The following MYBPC1 variants were observed in gnomAD, a reference collection of about 807,000 sequenced individuals.
The protein encoded by MYBPC1 is myosin binding protein C1.
In MYBPC1, 52 loss-of-function variants were observed where a neutral mutation model predicts 147.1. The observed-to-expected ratio is 0.35, with a 90% CI of 0.28 to 0.45. The LOEUF (loss-of-function observed/expected upper bound fraction) is 0.45, where lower values mean the gene tolerates loss of function less well. Ranked by LOEUF, MYBPC1 falls within the 20% of genes least tolerant of loss-of-function variation. The pLI is 1.00. For synonymous variants in MYBPC1, 477 were observed against 475.9 expected (o/e 1.00, Z -0.03); for missense variants, 1,228 against 1,440.3 (o/e 0.85, Z 2.39).
At chr12:101,599,860 T>A (rs1879132058) in intron 1 of MYBPC1, among the ~76,000 whole-genome samples, 1 of 152,208 alleles carries the variant, frequency 6.6e-6, no homozygotes, top group African/African-American at 2.4e-5. Context: ...TGGAGATTCA[T>A]GGCATATATT....
chr12:101,683,291 G>A (rs1452206140), intron 30 of MYBPC1, among the ~76,000 whole-genome samples: 1 of 152,126 alleles, frequency 6.6e-6, no homozygotes. Context: ...TTAGCCAGGT[G>A]TGGTGGCACA....
intron 16 of MYBPC1, 77 bp from the exon 17 acceptor site, chr12:101,652,601 C>A: frequency 1.0e-6 from 1 of 988,568 alleles, no homozygotes; most frequent in South Asian, 1.3e-5. Context: ...AGATAAAGGT[C>A]AAGTGTCTTT....
chr12:101,662,330 C>G, intron 20 of MYBPC1, 28 bp from the exon 21 acceptor site: 1 of 1,611,838 alleles, frequency 6.2e-7, no homozygotes, highest in Admixed American at 1.7e-5. Context: ...CAAGGAAAAA[C>G]CTTAGTTTTC....
At position 101,658,870 on chromosome 12, in the gene MYBPC1, G is replaced by A. The variant is rs573410843; in HGVS notation, c.1768-802G>A. 7.2e-5 allele frequency among the ~76,000 whole-genome samples: 11 copies of A among 152,240 alleles called. No individual in the cohort carries two copies. In the South Asian group the frequency reaches 2.3e-3, roughly 32 times the overall value. On this transcript the variant is annotated intron_variant, in intron 18 of 31. Coordinates refer to ENST00000361466, the MANE Select transcript of MYBPC1 (RefSeq NM_002465.4). ...TGATACAGACACAAAAGAGTAGAGAGTTTACCTAGTATTTAGTGGCAAATA... is the reference window on the plus strand; with the variant it reads ...TGATACAGACACAAAAGAGTAGAGAATTTACCTAGTATTTAGTGGCAAATA...
chr12:101,651,315 A>G lies in MYBPC1; in HGVS notation c.1448A>G (p.Glu483Gly), dbSNP rs765001341. The part of the protein sequence containing the change: ...KEICLKCEIS[E>G]NIPGKWTKNG... ...ATCTGCCTGAAGTGTGAAATCTCTG[A>G]AAACATACCAGGAAAATGGACTAAA... The change falls in exon 16 of 32, where the codon GAA becomes GGA. Residue 483 changes from glutamate to glycine, a missense_variant. Glu to Gly is a moderately conservative substitution (Grantham distance 98). Coordinates refer to ENST00000361466, the MANE Select transcript of MYBPC1 (RefSeq NM_002465.4). 6.2e-7 allele frequency: 1 copy of G among 1,614,152 alleles called. No homozygotes were observed. Among genetic ancestry groups the G allele is most frequent in the South Asian group, 1.1e-5 (1 of 91,088 alleles).
chr12:101,674,858 T>C (rs1899527289), intron 25 of MYBPC1, among the ~76,000 whole-genome samples: 2 of 72,524 alleles, frequency 2.8e-5, no homozygotes. Flanking sequence ...CATGACTCTG[T>C]CTCCAAAAAA....
chr12:101,645,532 G>A (rs1892915045), intron 12 of MYBPC1, among the ~76,000 whole-genome samples: 2 of 152,150 alleles, frequency 1.3e-5, no homozygotes, highest in South Asian at 4.1e-4. Context: ...TGTTACTTGT[G>A]GAGTACAATT....
intron 1 of MYBPC1, among the ~76,000 whole-genome samples, 187 bp downstream of exon 1, chr12:101,595,282 A>C (rs923061851): frequency 6.6e-6 from 1 of 152,216 alleles, no homozygotes; most frequent in African/African-American, 2.4e-5. Context: ...GAATTGAAAA[A>C]TTTCTGATAA....
At position 101,632,011 on chromosome 12, in the gene MYBPC1, T is replaced by G. The variant is rs375058014; in HGVS notation, c.439-10T>G. On this transcript the variant is annotated splice_polypyrimidine_tract_variant and intron_variant, in intron 7 of 31. Coordinates refer to ENST00000361466, the MANE Select transcript of MYBPC1 (RefSeq NM_002465.4). ...CTGAAATGTGTGTGTCTGGATGCAT[T>G]TCATTGCAGGTGTACACATTTGAGA... The G allele has an allele frequency of 1.3e-6, 2 of 1,588,484 alleles. No individual in the cohort carries two copies. The highest frequency in any genetic ancestry group is 2.7e-5 in the African/African-American group (2 of 74,332).
chr12:101,666,641 C>T (rs1897471560), intron 22 of MYBPC1: 2 of 1,140,466 alleles, frequency 1.8e-6, no homozygotes, highest in African/African-American at 3.1e-5. Context: ...TCTCTTTGCA[C>T]ACTTTGCATA....
In MYBPC1 at chr12:101,626,106, A is replaced by T. The variant is rs904673882; in HGVS notation, c.104-766A>T. Among the ~76,000 whole-genome samples the T allele has an allele frequency of 2.6e-5, 4 of 151,202 alleles. No individual in the cohort carries two copies. In the East Asian group the frequency reaches 5.8e-4, roughly 22 times the overall value. ...TCTGTCTCAAAAAAAAAAAAAAAAAAAAAAAATTTATCCTTCTACTGAAGT... is the reference window on the plus strand; with the variant it reads ...TCTGTCTCAAAAAAAAAAAAAAAAATAAAAAATTTATCCTTCTACTGAAGT... On this transcript the variant is annotated intron_variant, in intron 3 of 31. Transcript: ENST00000361466.
At chr12:101,622,321 C>T (rs1030860264) in intron 3 of MYBPC1, among the ~76,000 whole-genome samples, 1 of 152,148 alleles carries the variant, frequency 6.6e-6, no homozygotes, top group African/African-American at 2.4e-5. Context: ...ACATTTCAGT[C>T]TCATCGAACT....
downstream of MYBPC1, among the ~76,000 whole-genome samples, chr12:101,688,886 G>A (rs2695299): frequency 0.52 from 77,924 of 149,182 alleles, 20,975 homozygotes; most frequent in Admixed American, 0.61. Context: ...CCAGGAGGTG[G>A]AGATTGCAAT....
In MYBPC1 at chr12:101,618,050, A is replaced by T. The variant is rs944393331; in HGVS notation, c.103+807A>T. Among the ~76,000 whole-genome samples the T allele has an allele frequency of 5.8e-4, 88 of 152,330 alleles. 1 individual carries two copies. Among genetic ancestry groups the T allele is most frequent in the Middle Eastern group, 6.8e-3 (2 of 294 alleles). On this transcript the variant is annotated intron_variant, in intron 3 of 31. Coordinates refer to ENST00000361466, the MANE Select transcript of MYBPC1 (RefSeq NM_002465.4). ...CTTTTATTTGCATAATGAATAAAAA[A>T]GTTTAAATTTTGGAATAACTATTTC...
chr12:101,627,836 C>T (rs1322721728), intron 5 of MYBPC1, 32 bp downstream of exon 5: 1 of 1,600,458 alleles, frequency 6.2e-7, no homozygotes, highest in Non-Finnish European at 8.6e-7. Flanking sequence ...GCATCCTGAC[C>T]TCATCCTAAT....
At chr12:101,645,437 C>T (rs1892896052) in intron 12 of MYBPC1, among the ~76,000 whole-genome samples, 1 of 152,162 alleles carries the variant, frequency 6.6e-6, no homozygotes, top group African/African-American at 2.4e-5. Flanking sequence ...TCCTCCTCAG[C>T]CTGAGAGATT....
At chr12:101,641,431 A>G (rs1244627539) in intron 10 of MYBPC1, among the ~76,000 whole-genome samples, 1 of 152,172 alleles carries the variant, frequency 6.6e-6, no homozygotes, top group Non-Finnish European at 1.5e-5. Context: ...TCTGAATTTT[A>G]TTTTTATTTT....
In MYBPC1 at chr12:101,661,180, A is replaced by T; in HGVS notation, c.1950A>T (p.Ala650=). The T allele has an allele frequency of 6.2e-7, 1 of 1,613,660 alleles. No individual in the cohort carries two copies. Among genetic ancestry groups the T allele is most frequent in the Non-Finnish European group, 8.5e-7 (1 of 1,179,914 alleles). ...CAGACTTCCCTGATCCTCCAGTGGC[A>T]CCGACTGTGACAGAGGTGGGAGATG... ...KVVDFPDPPV[A]PTVTEVGDDW... is the part of the protein sequence containing the mutation. Residue 650 remains alanine (A), a synonymous_variant, in exon 20 of 32, where the codon GCA becomes GCT. Coordinates refer to ENST00000361466, the MANE Select transcript of MYBPC1 (RefSeq NM_002465.4).
chr12:101,663,505 C>T lies in MYBPC1; in HGVS notation c.2301C>T (p.Asp767=). ...TTVTMRWRPP[D]HIGAAGLDGY... is the part of the protein sequence containing the mutation. ...TCACGATGAGGTGGCGCCCCCCAGACCACATTGGTGCAGCAGGTTTAGATG... is the reference window on the plus strand; with the variant it reads ...TCACGATGAGGTGGCGCCCCCCAGATCACATTGGTGCAGCAGGTTTAGATG... Residue 767 remains aspartate (D), a synonymous_variant, in exon 22 of 32, where the codon GAC becomes GAT. Transcript: ENST00000361466. The T allele has an allele frequency of 6.2e-7, 1 of 1,614,170 alleles. No individual in the cohort carries two copies. The highest frequency in any genetic ancestry group is 8.5e-7 in the Non-Finnish European group (1 of 1,180,022).
Sources: allele counts gnomAD v4.1 joint callset (sites outside exome capture counted in the v4.1 genomes callset), GRCh38; gene constraint gnomAD v4.1.1; transcripts MANE v1.5; gene names NCBI Gene and HGNC (gene_info 2026-07-23, HGNC 2026-07-21).